FHOD3: variants seen among roughly 807,000 people sequenced by gnomAD.
FHOD3 encodes the protein formin homology 2 domain containing 3.
A neutral mutation model predicts 173.0 loss-of-function variants in FHOD3; 90 were observed. The ratio of observed to expected loss-of-function variants is 0.52; its 90% CI spans 0.44 to 0.62. The LOEUF (loss-of-function observed/expected upper bound fraction) is 0.62. FHOD3 is among the 20% of genes least tolerant of loss of function. FHOD3 has a pLI of 0.00. For missense variants in FHOD3, 1,945 were observed against 2,034.7 expected (o/e 0.96, Z 0.85); for synonymous variants, 828 against 823.0 (o/e 1.01, Z -0.10).
chr18:36,376,717 A>G (rs1418703019), intron 3 of FHOD3, among the ~76,000 whole-genome samples: 2 of 152,272 alleles, frequency 1.3e-5, no homozygotes, highest in Admixed American at 1.3e-4. Context: ...TTCCAGCAAC[A>G]GAAACATCAA....
chr18:36,423,242 A>G (rs77823582), intron 3 of FHOD3, among the ~76,000 whole-genome samples: 2,944 of 152,350 alleles, frequency 0.019, 90 homozygotes, highest in African/African-American at 0.067. Context: ...TTAAAAAGCT[A>G]TAATTTTTAT....
intron 3 of FHOD3, among the ~76,000 whole-genome samples, chr18:36,438,294 T>C (rs752949455): frequency 7.9e-5 from 12 of 152,096 alleles, no homozygotes; most frequent in Non-Finnish European, 1.5e-4. Context: ...AGCTGTGGAG[T>C]GTGCTTGCAG....
chr18:36,728,525 A>G (rs945093402), intron 19 of FHOD3, among the ~76,000 whole-genome samples: 5 of 151,460 alleles, frequency 3.3e-5, no homozygotes, highest in African/African-American at 4.9e-5. Flanking sequence ...AACTCTACCC[A>G]CAGGAATTGC....
chr18:36,755,084 C>T lies in FHOD3; in HGVS notation c.4233-35C>T, dbSNP rs192513115. 264 of 1,408,304 alleles carry T rather than the reference C, an allele frequency of 1.9e-4. 1 individual carries two copies. The Admixed American group carries it at 2.0e-3, about 11-fold the overall frequency. 87.2% of individuals were successfully genotyped at this position (1,408,304 alleles called of 1,614,324 possible). A position where few individuals can be genotyped will look rare whatever the true frequency, so the allele number is the denominator to read the frequency against. ...GACAAGTAATTTTTATTTCTTAAAA[C>T]GGAAGTCATTGCTATTACTGTTTTT... is the stretch of plus-strand genomic sequence containing the variant. On this transcript the variant is annotated intron_variant, in intron 24 of 28. Coordinates refer to ENST00000590592, the MANE Select transcript of FHOD3 (RefSeq NM_001281740.3).
chr18:36,729,857 T>C (rs571150689), intron 19 of FHOD3, among the ~76,000 whole-genome samples: 20 of 152,290 alleles, frequency 1.3e-4, no homozygotes, highest in African/African-American at 4.6e-4. Context: ...GCTGCAGAGA[T>C]AGGTGAAGCC....
intron 6 of FHOD3, among the ~76,000 whole-genome samples, chr18:36,591,623 C>T (rs189115289): frequency 1.3e-5 from 2 of 152,208 alleles, no homozygotes; most frequent in East Asian, 1.9e-4. Context: ...TGATAAAGGA[C>T]GTGGATAGAA....
At chr18:36,427,251 A>G (rs1360618569) in intron 3 of FHOD3, among the ~76,000 whole-genome samples, 1 of 149,998 alleles carries the variant, frequency 6.7e-6, no homozygotes, top group Non-Finnish European at 1.5e-5. Flanking sequence ...CCAGCAGAGG[A>G]ATTCATCTTA....
rs376894070 is a variant in FHOD3 at position 36,720,729 on chromosome 18, T to G, written c.3417+2014T>G. ...TCCTCCTCCTCCTTCTCTTCCTCCT[T>G]CTTCTTCTCCTCCTCCTTCTTCTCC... On this transcript the variant is annotated intron_variant, in intron 19 of 28. Transcript: ENST00000590592. Among the ~76,000 whole-genome samples the G allele has an allele frequency of 3.6e-3, 417 of 116,046 alleles. 10 individuals carry two copies. In the East Asian group the frequency reaches 0.079, roughly 22 times the overall value. The allele number at this position is 116,046 out of a possible 152,430, so 76.1% of individuals were successfully genotyped here.
At chr18:36,545,733 CA>C (rs1341042933) in intron 5 of FHOD3, among the ~76,000 whole-genome samples, 2 of 152,204 alleles carry the variant, frequency 1.3e-5, no homozygotes, top group African/African-American at 4.8e-5. Flanking sequence ...GGAAAGTAGA[CA>C]TTTGAACGAT....
chr18:36,423,853 T>C (rs1167406125), intron 3 of FHOD3, among the ~76,000 whole-genome samples: 7 of 152,220 alleles, frequency 4.6e-5, no homozygotes, highest in Non-Finnish European at 5.9e-5. Context: ...CCTGCTGCTG[T>C]TTTTCACGGC....
intron 3 of FHOD3, among the ~76,000 whole-genome samples, chr18:36,426,146 C>T (rs575722905): frequency 3.9e-5 from 6 of 152,082 alleles, no homozygotes; most frequent in South Asian, 2.1e-4. Flanking sequence ...CCTTGTGATC[C>T]GCCCGCCTCA....
chr18:36,456,697 C>T (rs556043353), intron 3 of FHOD3, among the ~76,000 whole-genome samples: 1 of 152,122 alleles, frequency 6.6e-6, no homozygotes, highest in Admixed American at 6.5e-5. Flanking sequence ...GAGGGACCCA[C>T]TTCTACTGCC....
At chr18:36,525,538 G>T (rs1271496626) in intron 5 of FHOD3, among the ~76,000 whole-genome samples, 3 of 152,180 alleles carry the variant, frequency 2.0e-5, no homozygotes, top group African/African-American at 7.2e-5. Context: ...CAAGCAATTT[G>T]TTATACAGAG....
At chr18:36,710,357 C>A (rs965860057) in intron 18 of FHOD3, 1 of 152,312 alleles carries the variant, frequency 6.6e-6, no homozygotes, top group East Asian at 1.9e-4. Flanking sequence ...CCACTCGAGT[C>A]GATGTCTTAG....
At chr18:36,543,171 C>T (rs1477161752) in intron 5 of FHOD3, among the ~76,000 whole-genome samples, 1 of 152,124 alleles carries the variant, frequency 6.6e-6, no homozygotes, top group African/African-American at 2.4e-5. Flanking sequence ...CTTCAGCCTG[C>T]CAGCCTACCC....
At chr18:36,366,200 G>A (rs2046890681) in intron 2 of FHOD3, among the ~76,000 whole-genome samples, 1 of 152,144 alleles carries the variant, frequency 6.6e-6, no homozygotes, top group African/African-American at 2.4e-5. Context: ...GTAACAAATG[G>A]ATTATTATTG....
chr18:36,389,001 C>A (rs780469220), intron 3 of FHOD3, among the ~76,000 whole-genome samples: 10 of 152,008 alleles, frequency 6.6e-5, no homozygotes, highest in Non-Finnish European at 1.3e-4. Context: ...CCCTGATAGG[C>A]GCTTCTTGCC....
At position 36,718,180 on chromosome 18, in the gene FHOD3, A is replaced by C; in HGVS notation, c.2882A>C (p.Asn961Thr). 8 of 1,613,364 alleles carry C rather than the reference A, an allele frequency of 5.0e-6. No homozygotes were observed. The highest frequency in any genetic ancestry group is 6.8e-6 in the Non-Finnish European group (8 of 1,179,598). Residue 961 changes from asparagine to threonine, a missense_variant, in exon 19 of 29, where the codon AAT becomes ACT. Asn to Thr is a moderately conservative substitution (Grantham distance 65). This residue lies in a region of FHOD3 where 1,099 missense variants were observed against 1,051.2 expected (regional missense o/e 1.05). Transcript: ENST00000590592. ...RGSISPDAEPNDKVPETAPVQ... is the reference protein window; with the variant it reads ...RGSISPDAEPTDKVPETAPVQ... ...TCCATCTCCCCTGATGCTGAGCCCA[A>C]TGACAAGGTCCCAGAAACAGCGCCG...
chr18:36,488,434 G>T (rs2054298355), intron 3 of FHOD3, among the ~76,000 whole-genome samples: 1 of 152,188 alleles, frequency 6.6e-6, no homozygotes, highest in African/African-American at 2.4e-5. Context: ...CCCAGCTGGG[G>T]CCTGTCTGAG....
Sources: allele counts gnomAD v4.1 joint callset (sites outside exome capture counted in the v4.1 genomes callset), GRCh38; gene constraint gnomAD v4.1.1; regional missense constraint gnomAD v4.1.1; transcripts MANE v1.5; gene names NCBI Gene and HGNC (gene_info 2026-07-23, HGNC 2026-07-21).